Variants in KANK1 observed in about 807,000 individuals in gnomAD.
KANK1 encodes the protein KN motif and ankyrin repeat domains 1.
KANK1 carries 109 observed loss-of-function variants against 106.2 expected under a neutral mutation model. That is an observed-to-expected ratio of 1.03 (90% CI 0.88 to 1.20). KANK1 has a LOEUF of 1.20. KANK1 is among the 50% of genes most tolerant of loss of function. The pLI is 0.00. For missense variants in KANK1, 2,399 were observed against 1,710.7 expected (o/e 1.40, Z -7.10); for synonymous variants, 873 against 652.2 (o/e 1.34, Z -5.16).
At chr9:511,161 T>G (rs2059012687) in intron 1 of KANK1, among the ~76,000 whole-genome samples, 1 of 152,142 alleles carries the variant, frequency 6.6e-6, no homozygotes, top group African/African-American at 2.4e-5. Context: ...CTGGGTGATA[T>G]TTAGGGGGAT....
At chr9:586,548 C>T (rs766870499) in intron 1 of KANK1, among the ~76,000 whole-genome samples, 8 of 152,060 alleles carry the variant, frequency 5.3e-5, no homozygotes, top group Admixed American at 1.3e-4. Context: ...AAAACAGTTC[C>T]GAGGTTTTAG....
chr9:514,195 CCTCCCTCCCTCTCTCCCTCCCTCCCTT>C (rs2059172666), intron 1 of KANK1, among the ~76,000 whole-genome samples: 1 of 78,830 alleles, frequency 1.3e-5, no homozygotes, highest in Non-Finnish European at 2.2e-5. Context: ...TCCCTCCCTT[CCTCCCTCCCTCTCTCCCTCCCTCCCTT>C]CCTCCCTCCC....
chr9:564,204 C>T (rs1011118360), intron 1 of KANK1, among the ~76,000 whole-genome samples: 7 of 151,990 alleles, frequency 4.6e-5, no homozygotes, highest in South Asian at 4.2e-4. Context: ...GGATTACAGA[C>T]GCCCGCCACC....
intron 1 of KANK1, among the ~76,000 whole-genome samples, chr9:653,085 C>G (rs561665772): frequency 2.6e-5 from 4 of 152,282 alleles, no homozygotes; most frequent in East Asian, 3.9e-4. Context: ...ATGGCCTTAA[C>G]TTTATTTAGC....
intron 2 of KANK1, among the ~76,000 whole-genome samples, chr9:691,630 T>TTTTTTTTTTA (rs59652466): frequency 1.4e-5 from 2 of 147,598 alleles, no homozygotes; most frequent in African/African-American, 5.1e-5. Context: ...TTTTTTTTTT[T>TTTTTTTTTTA]GAGACCAGAG....
chr9:491,449 A>G (rs1353839931), intron 3 of KANK1, among the ~76,000 whole-genome samples: 1 of 151,524 alleles, frequency 6.6e-6, no homozygotes, highest in African/African-American at 2.4e-5. Context: ...TGTATTTTTT[A>G]GTAGAGATGG....
At chr9:665,226 C>G (rs1426553861) in intron 1 of KANK1, among the ~76,000 whole-genome samples, 2 of 152,112 alleles carry the variant, frequency 1.3e-5, no homozygotes, top group East Asian at 1.9e-4. Flanking sequence ...AGAACTTAAA[C>G]AAAAAATTTT....
intron 1 of KANK1, among the ~76,000 whole-genome samples, chr9:610,352 C>G (rs190537775): frequency 6.6e-6 from 1 of 151,688 alleles, no homozygotes; most frequent in African/African-American, 2.4e-5. Flanking sequence ...CATGATGAGA[C>G]CTTAAGCAAA....
intron 2 of KANK1, chr9:707,202 G>A (rs1401154670): frequency 1.0e-6 from 1 of 986,154 alleles, no homozygotes; most frequent in Non-Finnish European, 1.2e-6. Context: ...GGAGCGAGCT[G>A]TGCGGGGCAG....
chr9:570,881 C>G (rs1563787468), intron 1 of KANK1, among the ~76,000 whole-genome samples: 1 of 152,052 alleles, frequency 6.6e-6, no homozygotes, highest in East Asian at 1.9e-4. Flanking sequence ...AAGTTTTTGA[C>G]TTTTTGCTAT....
chr9:577,981 T>C (rs1048401354), intron 1 of KANK1, among the ~76,000 whole-genome samples: 7 of 152,054 alleles, frequency 4.6e-5, no homozygotes, highest in Non-Finnish European at 1.0e-4. Flanking sequence ...CACACATCAT[T>C]CCCTCACTCA....
At chr9:693,915 A>C in intron 2 of KANK1, 2 of 716,104 alleles carry the variant, frequency 2.8e-6, no homozygotes, top group Non-Finnish European at 3.4e-6. Context: ...TAGAAAGAAT[A>C]ACCCAGTACT....
chr9:735,844 A>C, intron 7 of KANK1: 1 of 332,906 alleles, frequency 3.0e-6, no homozygotes, highest in South Asian at 2.3e-5. Flanking sequence ...AAATACAAAA[A>C]GTTAGCCAGG....
chr9:524,985 T>C (rs951752620), intron 1 of KANK1, among the ~76,000 whole-genome samples: 7 of 106,440 alleles, frequency 6.6e-5, no homozygotes, highest in African/African-American at 3.2e-4. Flanking sequence ...TTGCTGCCTT[T>C]TTTTTTTTTT....
chr9:517,387 C>G (rs1217564176), intron 1 of KANK1, among the ~76,000 whole-genome samples: 1 of 151,794 alleles, frequency 6.6e-6, no homozygotes, highest in South Asian at 2.1e-4. Flanking sequence ...CAGGCGTGAG[C>G]CACTGCGGCC....
At chr9:697,060 AC>A (rs1338682166) in intron 2 of KANK1, among the ~76,000 whole-genome samples, 2 of 150,908 alleles carry the variant, frequency 1.3e-5, no homozygotes, top group Non-Finnish European at 2.9e-5. Context: ...TTAACATTTT[AC>A]CGTATTTGTT....
intron 1 of KANK1, among the ~76,000 whole-genome samples, chr9:534,695 G>T (rs1422516006): frequency 6.6e-6 from 1 of 152,218 alleles, no homozygotes; most frequent in African/African-American, 2.4e-5. Flanking sequence ...CAAGGGTACA[G>T]ATGTAAAGAG....
intron 1 of KANK1, among the ~76,000 whole-genome samples, chr9:532,240 T>G (rs2060091403): frequency 6.8e-6 from 1 of 147,550 alleles, no homozygotes; most frequent in South Asian, 2.1e-4. Context: ...CATTTGTCTT[T>G]TTTTTTTTTT....
chr9:650,059 A>C (rs1015475027), intron 1 of KANK1, among the ~76,000 whole-genome samples: 8 of 152,100 alleles, frequency 5.3e-5, no homozygotes, highest in African/African-American at 7.2e-5. Context: ...ATAGAATAAA[A>C]CTGTCCCTAC....
Sources: allele counts gnomAD v4.1 joint callset (sites outside exome capture counted in the v4.1 genomes callset), GRCh38; gene constraint gnomAD v4.1.1; transcripts MANE v1.5; gene names NCBI Gene and HGNC (gene_info 2026-07-23, HGNC 2026-07-21).